TRPM1: variants seen among roughly 807,000 people sequenced by gnomAD.
TRPM1 encodes the protein TRPM1-203 APA Isoform, Intron 10.
In TRPM1, 113 loss-of-function variants were observed where a neutral mutation model predicts 149.4. The ratio of observed to expected loss-of-function variants is 0.76; its 90% CI spans 0.65 to 0.88. The LOEUF is 0.88. Among genes scored for constraint, TRPM1 ranks in the 40% least tolerant of loss-of-function variants. The probability of loss-of-function intolerance (pLI) is 0.00; values close to 1 mark genes in which losing one functional copy is unlikely to be tolerated. For missense variants in TRPM1, 1,976 were observed against 2,038.7 expected (o/e 0.97, Z 0.59); for synonymous variants, 741 against 759.5 (o/e 0.98, Z 0.40).
intron 27 of TRPM1, among the ~76,000 whole-genome samples, chr15:31,012,244 TTA>T (rs2032213002): frequency 6.6e-6 from 1 of 152,248 alleles, no homozygotes; most frequent in Admixed American, 6.5e-5. Flanking sequence ...GGTTATTGTC[TTA>T]TGTCTTTTCA....
intron 27 of TRPM1, among the ~76,000 whole-genome samples, chr15:31,004,395 C>A (rs931083496): frequency 2.6e-5 from 4 of 151,984 alleles, no homozygotes; most frequent in African/African-American, 4.8e-5. Flanking sequence ...ACTCCACCCC[C>A]ACCCTGCTGC....
At chr15:31,160,815 G>C in intron 1 of TRPM1, 1 of 1,414,110 alleles carries the variant, frequency 7.1e-7, no homozygotes, top group Non-Finnish European at 9.7e-7. Flanking sequence ...AGGACCCGCT[G>C]GGCCAGCACT....
intron 1 of TRPM1, among the ~76,000 whole-genome samples, chr15:31,127,689 G>A (rs2035968306): frequency 6.6e-6 from 1 of 152,114 alleles, no homozygotes; most frequent in Non-Finnish European, 1.5e-5. Flanking sequence ...ACAGGGTGGC[G>A]AGAAGGCAGA....
chr15:31,125,448 C>T (rs559825128), intron 1 of TRPM1, among the ~76,000 whole-genome samples: 1 of 151,788 alleles, frequency 6.6e-6, no homozygotes, highest in African/African-American at 2.4e-5. Flanking sequence ...AGAATACATG[C>T]GGCCGGGCGC....
rs751971378 is a variant in TRPM1, at chr15:31,028,400, T to C, written c.3225A>G (p.Pro1075=). The C allele has an allele frequency of 6.2e-7, 1 of 1,614,142 alleles. No homozygotes were observed. The highest frequency in any genetic ancestry group is 8.5e-7 in the Non-Finnish European group (1 of 1,180,036). The part of the protein sequence containing the change: ...PPCIPGAWLT[P]ALMACYLLVA... ...CCAGTAGATAGCACGCCATGAGTGC[T>C]GGAGTGAGCCAGGCGCCGGGGATAC... Residue 1075 remains proline (P), a synonymous_variant, in exon 25 of 28, where the codon CCA becomes CCG. Coordinates refer to ENST00000256552, the MANE Select transcript of TRPM1 (RefSeq NM_001252024.2).
chr15:31,032,062 C>G (rs940448575), intron 22 of TRPM1, among the ~76,000 whole-genome samples: 6 of 129,408 alleles, frequency 4.6e-5, no homozygotes, highest in African/African-American at 1.8e-4. Context: ...TGGATGTAGT[C>G]TCATAGAACA....
chr15:31,115,809 C>A (rs1045326031), intron 1 of TRPM1, among the ~76,000 whole-genome samples: 4 of 151,784 alleles, frequency 2.6e-5, no homozygotes, highest in African/African-American at 9.7e-5. Context: ...CAAAAAATGT[C>A]ATAAGCTGCC....
intron 1 of TRPM1, among the ~76,000 whole-genome samples, chr15:31,093,595 GTT>G (rs373482536): frequency 6.8e-6 from 1 of 146,988 alleles, no homozygotes; most frequent in African/African-American, 2.5e-5. Flanking sequence ...GAGCAATCTG[GTT>G]TTTTTTTTTG....
At chr15:31,131,592 G>C (rs2141043480) in intron 1 of TRPM1, among the ~76,000 whole-genome samples, 1 of 152,338 alleles carries the variant, frequency 6.6e-6, no homozygotes, top group East Asian at 1.9e-4. Flanking sequence ...ACAGCCATCA[G>C]GTTCAGTACC....
At position 31,149,610 on chromosome 15, in the gene TRPM1, C is replaced by T. The variant is rs566134734; in HGVS notation, c.54+11296G>A. ...TCTTGGCTCACTGCAAGCTCCGCCTCCCGGGTTCACGCCATTCTCCTGCCT... is the reference window on the plus strand; with the variant it reads ...TCTTGGCTCACTGCAAGCTCCGCCTTCCGGGTTCACGCCATTCTCCTGCCT... On this transcript the variant is annotated intron_variant, in intron 1 of 26. Coordinates refer to the TRPM1 transcript ENST00000542188. Among the ~76,000 whole-genome samples, 3 of 151,336 alleles carry T rather than the reference C, an allele frequency of 2.0e-5. No individual in the cohort carries two copies. The East Asian group carries it at 5.8e-4, about 29-fold the overall frequency.
chr15:31,057,360 G>T (rs1035998392), intron 11 of TRPM1, among the ~76,000 whole-genome samples: 1 of 152,114 alleles, frequency 6.6e-6, no homozygotes, highest in East Asian at 1.9e-4. Flanking sequence ...ACATAGAGGG[G>T]AATAACAGAC....
intron 27 of TRPM1, among the ~76,000 whole-genome samples, chr15:31,005,581 GC>G (rs1174833196): frequency 6.6e-6 from 1 of 152,102 alleles, no homozygotes; most frequent in African/African-American, 2.4e-5. Context: ...TTAATGATGT[GC>G]CCTGGGTTCA....
At chr15:31,116,067 T>C (rs12909468) in intron 1 of TRPM1, among the ~76,000 whole-genome samples, 93,491 of 151,824 alleles carry the variant, frequency 0.62, 28,970 homozygotes, top group East Asian at 0.74. Flanking sequence ...TTCTTAATAC[T>C]GTCACATTTG....
chr15:31,041,950 C>G lies in TRPM1; in HGVS notation c.2087+1G>C. On this transcript the variant is annotated splice_donor_variant, in intron 17 of 27. Transcript: ENST00000256552. LOFTEE classifies it high-confidence loss of function. Reference sequence around the variant, plus strand: ...CCTTTAAATCCCCGCTAGACACTAACTTGGAATTGTTATCCAAGTCCTGGG... The same window carrying G: ...CCTTTAAATCCCCGCTAGACACTAAGTTGGAATTGTTATCCAAGTCCTGGG... The G allele has an allele frequency of 6.2e-7, 1 of 1,614,186 alleles. No homozygotes were observed. Among genetic ancestry groups the G allele is most frequent in the Non-Finnish European group, 8.5e-7 (1 of 1,180,034 alleles).
chr15:31,019,438 C>T (rs948515691), intron 27 of TRPM1, among the ~76,000 whole-genome samples: 4 of 152,180 alleles, frequency 2.6e-5, no homozygotes, highest in East Asian at 3.8e-4. Flanking sequence ...GTCTCTGTCA[C>T]GCAGGCTGGA....
At chr15:31,091,527 G>A (rs1251486934) in intron 1 of TRPM1, among the ~76,000 whole-genome samples, 1 of 152,250 alleles carries the variant, frequency 6.6e-6, no homozygotes, top group Non-Finnish European at 1.5e-5. Context: ...GAAGGGCAGG[G>A]AAGGGCACGG....
At position 31,020,242 on chromosome 15, in the gene TRPM1, T is replaced by C. The variant is rs145785674; in HGVS notation, c.3629+5897A>G. ...TCTTTCTCCCTTACTTGCAACACGT[T>C]AGTGCCAATCCCTAACCCCCAACCT... On this transcript the variant is annotated intron_variant, in intron 27 of 27. Coordinates refer to ENST00000256552, the MANE Select transcript of TRPM1 (RefSeq NM_001252024.2). Among the ~76,000 whole-genome samples the C allele has an allele frequency of 1.4e-3, 210 of 152,338 alleles. 2 individuals carry two copies. Among genetic ancestry groups the C allele is most frequent in the Middle Eastern group, 6.8e-3 (2 of 294 alleles).
Position 31,081,377 on chromosome 15 carries a change from A to G in TRPM1, c.-22T>C, listed in dbSNP as rs912785465. 3.3e-6 allele frequency: 5 copies of G among 1,534,496 alleles called. No homozygotes were observed. The highest frequency in any genetic ancestry group is 2.6e-6 in the Non-Finnish European group (3 of 1,146,218). ...CCATGAGTTTTCAAAAAGTTGATATAAGGAAATAGCCTCAGTCCAGCACTG... is the reference window on the plus strand; with the variant it reads ...CCATGAGTTTTCAAAAAGTTGATATGAGGAAATAGCCTCAGTCCAGCACTG... On this transcript the variant is annotated 5_prime_UTR_variant, in exon 2 of 28. Coordinates refer to ENST00000256552, the MANE Select transcript of TRPM1 (RefSeq NM_001252024.2).
At chr15:31,120,261 T>A (rs976603903) in intron 1 of TRPM1, among the ~76,000 whole-genome samples, 1 of 152,082 alleles carries the variant, frequency 6.6e-6, no homozygotes, top group Non-Finnish European at 1.5e-5. Flanking sequence ...AGTAGCTATA[T>A]TAATTCCAGG....
Sources: gnomAD v4.1 joint callset for allele counts (sites outside exome capture counted in the v4.1 genomes callset) on GRCh38, gnomAD v4.1.1 for gene constraint, MANE v1.5 for transcripts, NCBI Gene and HGNC (gene_info 2026-07-23, HGNC 2026-07-21) for gene names.